Variants in FARP2 observed in about 807,000 individuals in gnomAD.
FARP2 encodes the protein FERM, ARHGEF and pleckstrin domain-containing protein 2.
A neutral mutation model predicts 130.5 loss-of-function variants in FARP2; 111 were observed. The ratio of observed to expected loss-of-function variants is 0.85; its 90% confidence interval spans 0.73 to 1.00. The LOEUF is 1.00. Ranked by LOEUF, FARP2 falls within the 50% of genes least tolerant of loss-of-function variation. FARP2 has a pLI of 0.00. For missense variants in FARP2, 1,385 were observed against 1,346.3 expected, an observed-to-expected ratio of 1.03 and a Z score of -0.45; for synonymous variants, 504 against 516.9, an observed-to-expected ratio of 0.98 and a Z score of 0.34.
At chr2:241,378,440 C>G (rs2061590619) in intron 2 of FARP2, among the ~76,000 whole-genome samples, 1 of 31,728 alleles carries the variant, frequency 3.2e-5, no homozygotes, top group Non-Finnish European at 6.7e-5. Context: ...GAGTCAGGAT[C>G]TCACTCTGTC....
intron 20 of FARP2, 44 bp downstream of exon 20, chr2:241,483,577 ATGGGC>A: frequency 1.3e-6 from 2 of 1,567,816 alleles, no homozygotes; most frequent in Non-Finnish European, 1.8e-6. Flanking sequence ...CCCGAGGGGG[ATGGGC>A]AGCAGTTCTG....
chr2:241,468,475 C>T (rs538685566), intron 18 of FARP2, 98 bp downstream of exon 18: 66 of 850,280 alleles, frequency 7.8e-5, no homozygotes, highest in African/African-American at 2.3e-4. Flanking sequence ...CACTGGGAAG[C>T]GCAGGAGTCC....
chr2:241,367,766 C>CT (rs1330740903), intron 1 of FARP2, among the ~76,000 whole-genome samples: 4 of 151,944 alleles, frequency 2.6e-5, no homozygotes, highest in African/African-American at 9.7e-5. Context: ...ATGCTTTTGT[C>CT]TAAAAAGCCA....
At chr2:241,441,227 G>A (rs1463818145) in intron 12 of FARP2, 77 bp from the exon 13 acceptor site, 8 of 1,403,720 alleles carry the variant, frequency 5.7e-6, no homozygotes, top group Non-Finnish European at 7.8e-6. Context: ...CCTAAGTTAG[G>A]CCAGGTGGCT....
intron 13 of FARP2, among the ~76,000 whole-genome samples, chr2:241,448,987 C>T (rs999839830): frequency 7.2e-5 from 11 of 152,220 alleles, no homozygotes; most frequent in Non-Finnish European, 1.6e-4. Context: ...ACCTGGACCC[C>T]TTGCCATTAA....
chr2:241,374,374 A>G (rs1382727643), intron 2 of FARP2, among the ~76,000 whole-genome samples: 1 of 151,812 alleles, frequency 6.6e-6, no homozygotes, highest in Non-Finnish European at 1.5e-5. Flanking sequence ...CTTTTTTCTA[A>G]TTTTTTCTGG....
chr2:241,393,731 G>T (rs2150332301), intron 2 of FARP2, among the ~76,000 whole-genome samples: 2 of 152,260 alleles, frequency 1.3e-5, no homozygotes, highest in South Asian at 4.1e-4. Flanking sequence ...AAAGAATAAA[G>T]AAGTACTTTG....
At chr2:241,383,249 AACAGTGGACAAGGTAT>A (rs1378834191) in intron 2 of FARP2, among the ~76,000 whole-genome samples, 3 of 152,228 alleles carry the variant, frequency 2.0e-5, no homozygotes, top group Non-Finnish European at 4.4e-5. Context: ...TGGGGAGCTC[AACAGTGGACAAGGTAT>A]ACTGCGAAGT....
At chr2:241,468,087 C>T (rs903238959) in intron 17 of FARP2, 53 bp from the exon 18 acceptor site, 2 of 1,211,198 alleles carry the variant, frequency 1.7e-6, no homozygotes, top group African/African-American at 3.0e-5. Flanking sequence ...GCCAGTCTCC[C>T]CCTGGACTCC....
chr2:241,397,322 C>T (rs948884070), intron 2 of FARP2, among the ~76,000 whole-genome samples: 1 of 152,040 alleles, frequency 6.6e-6, no homozygotes, highest in African/African-American at 2.4e-5. Flanking sequence ...TACCCTAAAA[C>T]TTAAAGTATA....
Position 241,491,083 on chromosome 2 carries a change from T to C in FARP2, c.2527T>C (p.Trp843Arg). Residue 843 changes from tryptophan to arginine, a missense_variant, in exon 23 of 27, where the codon TGG becomes CGG. Trp to Arg is a moderately radical substitution (Grantham distance 101). Transcript: ENST00000264042. ...CAGCACTCGGCTGGAGAAAGAGAAG[T>C]GGATGCTGGACCTGAACTCCGCGAT... ...AASTRLEKEK[W>R]MLDLNSAIQA... is the part of the protein sequence containing the mutation. 2 of 1,613,392 alleles carry C rather than the reference T, an allele frequency of 1.2e-6. No homozygotes were observed. The highest frequency in any genetic ancestry group is 1.7e-6 in the Non-Finnish European group (2 of 1,179,882).
chr2:241,389,203 C>T (rs191304116), intron 2 of FARP2, among the ~76,000 whole-genome samples: 16 of 152,232 alleles, frequency 1.1e-4, no homozygotes, highest in African/African-American at 3.1e-4. Context: ...ATTGCTTGAA[C>T]CCGGGAGGCA....
intron 1 of FARP2, among the ~76,000 whole-genome samples, chr2:241,358,452 A>G (rs2061114456): frequency 6.6e-6 from 1 of 152,274 alleles, no homozygotes; most frequent in Non-Finnish European, 1.5e-5. Context: ...ATGTGAGCTC[A>G]TTTAAATCCA....
At chr2:241,377,366 G>T (rs1270559269) in intron 2 of FARP2, among the ~76,000 whole-genome samples, 2 of 142,874 alleles carry the variant, frequency 1.4e-5, no homozygotes, top group East Asian at 4.1e-4. Context: ...ACAGAGTCTC[G>T]CTCTGTCGCC....
intron 13 of FARP2, among the ~76,000 whole-genome samples, chr2:241,447,844 C>T (rs2063546808): frequency 1.3e-5 from 2 of 152,184 alleles, no homozygotes; most frequent in Admixed American, 1.3e-4. Context: ...GGATAGGCTC[C>T]TCACCTTGCC....
chr2:241,378,691 T>C (rs576927235), intron 2 of FARP2, among the ~76,000 whole-genome samples: 1 of 152,288 alleles, frequency 6.6e-6, no homozygotes, highest in South Asian at 2.1e-4. Context: ...ATTATAGGTG[T>C]GAGCTACCAC....
intron 2 of FARP2, among the ~76,000 whole-genome samples, chr2:241,392,186 A>G (rs901026137): frequency 1.3e-5 from 2 of 152,232 alleles, no homozygotes; most frequent in Non-Finnish European, 2.9e-5. Flanking sequence ...TGAAACTCAT[A>G]GGATGGTGTG....
At chr2:241,462,413 C>T (rs1159517726) in intron 14 of FARP2, 110 bp from the exon 15 acceptor site, 5 of 690,664 alleles carry the variant, frequency 7.2e-6, no homozygotes, top group Admixed American at 2.4e-5. Flanking sequence ...AACCCCATGA[C>T]GATGTTACCT....
At chr2:241,372,376 A>G (rs2061443995) in intron 1 of FARP2, among the ~76,000 whole-genome samples, 2 of 152,248 alleles carry the variant, frequency 1.3e-5, no homozygotes, top group African/African-American at 2.4e-5. Flanking sequence ...TCAGTTCCAT[A>G]TGTGAAATTA....
Sources: allele counts gnomAD v4.1 joint callset (sites outside exome capture counted in the v4.1 genomes callset), GRCh38; gene constraint gnomAD v4.1.1; transcripts MANE v1.5; gene names NCBI Gene and HGNC (gene_info 2026-07-23, HGNC 2026-07-21).